The following C6orf132 variants were observed in gnomAD, a reference collection of about 807,000 sequenced individuals.
C6orf132 encodes the protein chromosome 6 open reading frame 132.
A neutral mutation model predicts 65.3 loss-of-function variants in C6orf132; 43 were observed. The ratio of observed to expected loss-of-function variants is 0.66; its 90% CI spans 0.52 to 0.85. C6orf132 has a LOEUF of 0.85. C6orf132 is among the 40% of genes least tolerant of loss of function. C6orf132 has a pLI of 0.00. For synonymous variants in C6orf132, 631 were observed against 654.1 expected (o/e 0.96, Z 0.54); for missense variants, 1,488 against 1,548.8 (o/e 0.96, Z 0.66).
In C6orf132 at chr6:42,107,321, T is replaced by C; in HGVS notation, c.591A>G (p.Leu197=). 2 of 1,068,914 alleles carry C rather than the reference T, an allele frequency of 1.9e-6. No homozygotes were observed. The highest frequency in any genetic ancestry group is 2.4e-6 in the Non-Finnish European group (2 of 850,070). 66.2% of individuals were successfully genotyped at this position (1,068,914 alleles called of 1,614,324 possible). A position where few individuals can be genotyped will look rare whatever the true frequency, so the allele number is the denominator to read the frequency against. The stretch of plus-strand genomic sequence containing the variant: ...GGGAGGAAAGAGTGTGTGGTGGGGA[T>C]AGGGCCTCCAATACTGGGGGTGGAG... ...APPPPPVLEA[L]SPPHTLSSPS... is the part of the protein sequence containing the mutation. The change falls in exon 4 of 5, where the codon CTA becomes CTG. Residue 197 remains leucine (L), a synonymous_variant. Coordinates refer to ENST00000341865, the MANE Select transcript of C6orf132 (RefSeq NM_001164446.3).
chr6:42,122,997 G>A (rs1168995297), intron 2 of C6orf132, among the ~76,000 whole-genome samples: 1 of 152,160 alleles, frequency 6.6e-6, no homozygotes, highest in African/African-American at 2.4e-5. Flanking sequence ...TCACCCTGGC[G>A]ATGGCTTGAT....
chr6:42,137,381 C>T (rs1467271922), intron 1 of C6orf132, among the ~76,000 whole-genome samples: 1 of 152,128 alleles, frequency 6.6e-6, no homozygotes, highest in Non-Finnish European at 1.5e-5. Context: ...AGCACACCTC[C>T]AGGGAACAGG....
Position 42,115,535 on chromosome 6 carries a change from A to G in C6orf132, c.253-5244T>C, listed in dbSNP as rs551086576. ...GTGGCAGGCGCCTGTAGTCCCAGCT[A>G]CTCGGGAGGCTGAGGCAGGAGAATG... On this transcript the variant is annotated intron_variant, in intron 2 of 4. Transcript: ENST00000341865. Among the ~76,000 whole-genome samples the G allele has an allele frequency of 8.6e-5, 13 of 150,918 alleles. No homozygotes were observed. In the East Asian group the frequency reaches 2.6e-3, roughly 30 times the overall value.
intron 1 of C6orf132, among the ~76,000 whole-genome samples, chr6:42,136,845 A>G (rs1321313761): frequency 6.6e-6 from 1 of 152,098 alleles, no homozygotes; most frequent in African/African-American, 2.4e-5. Flanking sequence ...GGGAGCCACA[A>G]AGTAGAGGAG....
At chr6:42,109,865 G>A (rs906374441) in intron 3 of C6orf132, among the ~76,000 whole-genome samples, 7 of 152,174 alleles carry the variant, frequency 4.6e-5, no homozygotes, top group African/African-American at 1.7e-4. Context: ...AGGTAGGAGG[G>A]GTGAAGTGTC....
chr6:42,127,631 C>T (rs1251840798), intron 2 of C6orf132, among the ~76,000 whole-genome samples: 3 of 152,140 alleles, frequency 2.0e-5, no homozygotes, highest in Non-Finnish European at 4.4e-5. Flanking sequence ...ATACTAAACC[C>T]TCATGGAGGC....
At chr6:42,142,226 G>A in intron 1 of C6orf132, 74 bp downstream of exon 1, 1 of 1,481,224 alleles carries the variant, frequency 6.8e-7, no homozygotes, top group Non-Finnish European at 9.1e-7. Context: ...CGCGCCTCCA[G>A]GAGACAGCAC....
chr6:42,138,581 A>G (rs1335099540), intron 1 of C6orf132, among the ~76,000 whole-genome samples: 1 of 152,210 alleles, frequency 6.6e-6, no homozygotes. Flanking sequence ...GCCACCGCCC[A>G]GCCCAGAATC....
At chr6:42,118,050 G>T (rs1228130358) in intron 2 of C6orf132, among the ~76,000 whole-genome samples, 2 of 151,056 alleles carry the variant, frequency 1.3e-5, no homozygotes, top group Non-Finnish European at 2.9e-5. Context: ...TCAGTTTTCT[G>T]CCCCTTCTGT....
chr6:42,142,478 C>A lies in C6orf132; in HGVS notation c.-34G>T, dbSNP rs1482567344. The stretch of plus-strand genomic sequence containing the variant: ...AGCCCGCGCGGGCGCCAGGGAAGGA[C>A]CTTCCCTCCCTCGCCCTGCCCTGCC... On this transcript the variant is annotated 5_prime_UTR_variant, in exon 1 of 5. Transcript: ENST00000341865. 6.5e-7 allele frequency: 1 copy of A among 1,544,148 alleles called. No homozygotes were observed. The highest frequency in any genetic ancestry group is 8.7e-7 in the Non-Finnish European group (1 of 1,143,568).
At chr6:42,115,823 C>T (rs1429556489) in intron 2 of C6orf132, among the ~76,000 whole-genome samples, 2 of 151,900 alleles carry the variant, frequency 1.3e-5, no homozygotes, top group Non-Finnish European at 2.9e-5. Context: ...ATCCCCTAAA[C>T]TCCCAATCTT....
At chr6:42,114,950 G>A (rs1766542504) in intron 2 of C6orf132, among the ~76,000 whole-genome samples, 1 of 151,220 alleles carries the variant, frequency 6.6e-6, no homozygotes, top group Non-Finnish European at 1.5e-5. Flanking sequence ...AGGTTGCAGT[G>A]AGCCAAGATT....
Position 42,105,359 on chromosome 6 carries a change from C to G in C6orf132, c.2553G>C (p.Lys851Asn). Reference sequence around the variant, plus strand: ...CCAGGGCAGCCCCTACAGACCTTCCCTTCTGAGCCCTCTGCCTGGCCGCCA... The same window carrying G: ...CCAGGGCAGCCCCTACAGACCTTCCGTTCTGAGCCCTCTGCCTGGCCGCCA... ...LLLAARQRAQ[K>N]GRSVGAALGR... The change falls in exon 4 of 5, where the codon AAG (lysine) becomes AAC (asparagine). Residue 851 changes from lysine (K) to asparagine (N), a missense_variant. Coordinates refer to ENST00000341865, the MANE Select transcript of C6orf132 (RefSeq NM_001164446.3). 6.5e-7 allele frequency: 1 copy of G among 1,536,560 alleles called. No individual in the cohort carries two copies. Among genetic ancestry groups the G allele is most frequent in the African/African-American group, 1.4e-5 (1 of 73,150 alleles).
chr6:42,108,207 C>T (rs768505469), intron 3 of C6orf132, among the ~76,000 whole-genome samples: 1 of 152,190 alleles, frequency 6.6e-6, no homozygotes, highest in Non-Finnish European at 1.5e-5. Context: ...AGCTCTACCA[C>T]TTATTAGATG....
At chr6:42,111,278 A>ATT (rs61241413) in intron 2 of C6orf132, among the ~76,000 whole-genome samples, 25,399 of 119,812 alleles carry the variant, frequency 0.21, 3,750 homozygotes, top group African/African-American at 0.38. Context: ...TTCCTGGCTA[A>ATT]TTTTTTTTTT....
In C6orf132 at chr6:42,106,894, G is replaced by A. The variant is rs1467672986; in HGVS notation, c.1018C>T (p.Leu340=). 2.6e-6 allele frequency: 4 copies of A among 1,535,832 alleles called. No homozygotes were observed. Among genetic ancestry groups the A allele is most frequent in the Admixed American group, 2.0e-5 (1 of 50,948 alleles). The change falls in exon 4 of 5, where the codon CTG becomes TTG. Residue 340 remains leucine (L), a synonymous_variant. Coordinates refer to ENST00000341865, the MANE Select transcript of C6orf132 (RefSeq NM_001164446.3). Reference sequence around the variant, plus strand: ...GGGCGGATGTGGAAGCTGGGAGGCAGTGGGAGTCGGCTGGGAGCCTTCTTG... The same window carrying A: ...GGGCGGATGTGGAAGCTGGGAGGCAATGGGAGTCGGCTGGGAGCCTTCTTG... ...ATKKAPSRLP[L]PPSFHIRPAS... is the part of the protein sequence containing the mutation.
chr6:42,125,086 C>G (rs1467246101), intron 2 of C6orf132, among the ~76,000 whole-genome samples: 3 of 152,150 alleles, frequency 2.0e-5, no homozygotes, highest in Non-Finnish European at 4.4e-5. Context: ...GGCAAGAGGC[C>G]TGGTGCCCAG....
intron 2 of C6orf132, among the ~76,000 whole-genome samples, chr6:42,111,689 T>G (rs1368938674): frequency 2.0e-5 from 3 of 152,210 alleles, no homozygotes; most frequent in South Asian, 2.1e-4. Context: ...CCTCCCAAAG[T>G]GTGGGGATAA....
chr6:42,142,324 G>A lies in C6orf132; in HGVS notation c.121C>T (p.Pro41Ser), dbSNP rs1456038319. The A allele has an allele frequency of 6.4e-7, 1 of 1,551,186 alleles. No individual in the cohort carries two copies. Among genetic ancestry groups the A allele is most frequent in the East Asian group, 2.4e-5 (1 of 40,882 alleles). Residue 41 changes from proline to serine, a missense_variant, in exon 1 of 5, where the codon CCG (proline) becomes TCG (serine). Pro to Ser is a moderately conservative substitution (Grantham distance 74). Transcript: ENST00000341865. ...CCGAAGCCCCCGGTCCCCTCCTCCGGGGCCTCCTGGGTGAAGATCCAGGGC... is the reference window on the plus strand; with the variant it reads ...CCGAAGCCCCCGGTCCCCTCCTCCGAGGCCTCCTGGGTGAAGATCCAGGGC... ...NPPWIFTQEA[P>S]EEGTGGFDGI...
Sources: gnomAD v4.1 joint callset for allele counts (sites outside exome capture counted in the v4.1 genomes callset) on GRCh38, gnomAD v4.1.1 for gene constraint, MANE v1.5 for transcripts, NCBI Gene and HGNC (gene_info 2026-07-23, HGNC 2026-07-21) for gene names.